The following CFAP20DC variants were observed in gnomAD, a reference collection of about 807,000 sequenced individuals.
CFAP20DC encodes protein CFAP20DC.
In CFAP20DC, 84 loss-of-function variants were observed where a neutral mutation model predicts 101.7. That is an observed-to-expected ratio of 0.83 (90% CI 0.69 to 0.99). The LOEUF (loss-of-function observed/expected upper bound fraction) is 0.99. CFAP20DC is among the 50% of genes least tolerant of loss of function. The pLI is 0.00. For synonymous variants in CFAP20DC, 359 were observed against 351.2 expected, an observed-to-expected ratio of 1.02 and a Z score of -0.25; for missense variants, 1,007 against 970.3, an observed-to-expected ratio of 1.04 and a Z score of -0.50.
At chr3:58,748,797 T>C (rs1190271992) in intron 16 of CFAP20DC, among the ~76,000 whole-genome samples, 1 of 152,156 alleles carries the variant, frequency 6.6e-6, no homozygotes, top group African/African-American at 2.4e-5. Flanking sequence ...AAATAGGGAT[T>C]CTGTGGTCAC....
At chr3:58,872,036 A>T (rs997157536) in intron 7 of CFAP20DC, among the ~76,000 whole-genome samples, 2 of 152,154 alleles carry the variant, frequency 1.3e-5, no homozygotes, top group African/African-American at 4.8e-5. Flanking sequence ...GGAACTCCTG[A>T]TTGGACTACA....
chr3:58,809,036 C>A (rs1253582683), intron 14 of CFAP20DC, among the ~76,000 whole-genome samples: 1 of 151,840 alleles, frequency 6.6e-6, no homozygotes, highest in African/African-American at 2.4e-5. Context: ...ATATATGCAC[C>A]CAATACAGGA....
At position 58,914,109 on chromosome 3, in the gene CFAP20DC, C is replaced by A. The variant is rs985853578; in HGVS notation, c.394-245G>T. On this transcript the variant is annotated intron_variant, in intron 5 of 16. Coordinates refer to ENST00000482387, the MANE Select transcript of CFAP20DC (RefSeq NM_001394063.1). The surrounding 1 kb of genome is among the most constrained non-coding windows in gnomAD (Gnocchi z 4.9). Reference sequence around the variant, plus strand: ...TGACTACAGAATTCCCATCATGAGACAAGACTATGACAACTTTGGGAAATA... The same window carrying A: ...TGACTACAGAATTCCCATCATGAGAAAAGACTATGACAACTTTGGGAAATA... Among the ~76,000 whole-genome samples, 2 of 152,118 alleles carry A rather than the reference C, an allele frequency of 1.3e-5. No individual in the cohort carries two copies. The highest frequency in any genetic ancestry group is 4.8e-5 in the African/African-American group (2 of 41,442).
At chr3:58,769,961 C>T (rs1287275716) in intron 15 of CFAP20DC, among the ~76,000 whole-genome samples, 1 of 152,206 alleles carries the variant, frequency 6.6e-6, no homozygotes, top group African/African-American at 2.4e-5. Flanking sequence ...CAGTTTCCCA[C>T]AAGTGCTCAG....
rs1165764320 is a variant in CFAP20DC at position 58,820,580 on chromosome 3, T to C, written c.2175+11106A>G. ...AGAAGAAAATACCTAGGAATCCAAC[T>C]TACAAGGGATGTGAAGGACCTCTTC... On this transcript the variant is annotated intron_variant, in intron 14 of 16. Coordinates refer to ENST00000482387, the MANE Select transcript of CFAP20DC (RefSeq NM_001394063.1). Among the ~76,000 whole-genome samples the C allele has an allele frequency of 6.9e-3, 1,039 of 151,622 alleles. 14 individuals are homozygous for C. The highest frequency in any genetic ancestry group is 0.024 in the African/African-American group (968 of 41,102).
chr3:58,842,421 C>A (rs1424450450), intron 13 of CFAP20DC, among the ~76,000 whole-genome samples: 3 of 152,238 alleles, frequency 2.0e-5, no homozygotes, highest in African/African-American at 4.8e-5. Context: ...CCTGGAAAAT[C>A]GGGTCACTCC....
rs1164224941 is a variant in CFAP20DC at position 58,882,370 on chromosome 3, A to G, written c.715+2175T>C. On this transcript the variant is annotated intron_variant, in intron 7 of 16. Transcript: ENST00000482387. The surrounding 1 kb of genome is among the most constrained non-coding windows in gnomAD (Gnocchi z 4.2). Reference sequence around the variant, plus strand: ...CATTATAAGTGTCCTTCAAATTTAAATTGAAAAAGACACTTAAAATATCGG... The same window carrying G: ...CATTATAAGTGTCCTTCAAATTTAAGTTGAAAAAGACACTTAAAATATCGG... Among the ~76,000 whole-genome samples, 1 of 152,210 alleles carries G rather than the reference A, an allele frequency of 6.6e-6. No individual in the cohort carries two copies. Among genetic ancestry groups the G allele is most frequent in the Non-Finnish European group, 1.5e-5 (1 of 68,018 alleles).
intron 4 of CFAP20DC, among the ~76,000 whole-genome samples, chr3:59,033,183 C>T (rs570458045): frequency 1.3e-5 from 2 of 152,226 alleles, no homozygotes; most frequent in South Asian, 4.1e-4. Flanking sequence ...CACACAAAAA[C>T]CCATCCGAAG....
At chr3:58,851,118 T>TA (rs1435194959) in intron 12 of CFAP20DC, among the ~76,000 whole-genome samples, 2 of 152,156 alleles carry the variant, frequency 1.3e-5, no homozygotes, top group African/African-American at 4.8e-5. Flanking sequence ...TCTCGGAATG[T>TA]AATGATAGAC....
intron 4 of CFAP20DC, among the ~76,000 whole-genome samples, chr3:59,024,504 T>C (rs978200463): frequency 2.0e-5 from 3 of 152,176 alleles, no homozygotes; most frequent in African/African-American, 7.2e-5. Context: ...AACAGACATG[T>C]GTAAGTGCTA....
At position 59,001,371 on chromosome 3, in the gene CFAP20DC, T is replaced by C. The variant is rs1321729188; in HGVS notation, c.278+38186A>G. On this transcript the variant is annotated intron_variant, in intron 4 of 16. Coordinates refer to ENST00000482387, the MANE Select transcript of CFAP20DC (RefSeq NM_001394063.1). This position sits in a 1 kb window ranked among gnomAD's most constrained non-coding sequence, Gnocchi z 4.5. ...ATCTTATGCTTAGGAGTTTGGCCTT[T>C]GAAACAGTCTCTCCCTCTCTCCCTC... 1.3e-5 allele frequency among the ~76,000 whole-genome samples: 2 copies of C among 152,168 alleles called. No homozygotes were observed. The highest frequency in any genetic ancestry group is 3.9e-4 in the East Asian group (2 of 5,172).
At chr3:58,780,211 G>T (rs1435994511) in intron 15 of CFAP20DC, among the ~76,000 whole-genome samples, 1 of 152,086 alleles carries the variant, frequency 6.6e-6, no homozygotes, top group African/African-American at 2.4e-5. Context: ...TACAAGCAAT[G>T]CTTAAGGAAG....
intron 13 of CFAP20DC, among the ~76,000 whole-genome samples, chr3:58,846,674 T>C (rs1261708491): frequency 2.2e-4 from 34 of 151,756 alleles, no homozygotes; most frequent in African/African-American, 6.5e-4. Flanking sequence ...CTTTAAAGTT[T>C]ATATGGAACC....
At chr3:58,794,142 T>C (rs1474674289) in intron 15 of CFAP20DC, 1 of 323,352 alleles carries the variant, frequency 3.1e-6, no homozygotes, top group Non-Finnish European at 6.3e-6. Flanking sequence ...TCACTACTGT[T>C]GTTAGCCTCA....
At chr3:58,936,036 C>T (rs1227142549) in intron 5 of CFAP20DC, among the ~76,000 whole-genome samples, 1 of 151,912 alleles carries the variant, frequency 6.6e-6, no homozygotes, top group African/African-American at 2.4e-5. Context: ...TGACAAAGGG[C>T]TAATATCCAG....
At chr3:58,749,321 A>G (rs1039314120) in intron 16 of CFAP20DC, among the ~76,000 whole-genome samples, 1 of 152,178 alleles carries the variant, frequency 6.6e-6, no homozygotes, top group Non-Finnish European at 1.5e-5. Flanking sequence ...GCATGAAAGA[A>G]TTCCTCTGTT....
chr3:58,752,967 C>G (rs1390872501), intron 16 of CFAP20DC, among the ~76,000 whole-genome samples: 1 of 151,988 alleles, frequency 6.6e-6, no homozygotes, highest in Non-Finnish European at 1.5e-5. Context: ...TGAGAGAGTC[C>G]CACTCTGAGG....
chr3:58,924,399 A>G (rs1304857400), intron 5 of CFAP20DC, among the ~76,000 whole-genome samples: 3 of 151,926 alleles, frequency 2.0e-5, no homozygotes, highest in Non-Finnish European at 2.9e-5. Flanking sequence ...GCTGCAAAAT[A>G]TATGATTTCA....
In CFAP20DC at chr3:58,892,183, C is replaced by T. The variant is rs1319523802; in HGVS notation, c.551-7474G>A. ...TTTCTAGGCTCTCTATTCTCTTCCACTGGTCTATGTGCCTGTTTTCGTATC... is the reference window on the plus strand; with the variant it reads ...TTTCTAGGCTCTCTATTCTCTTCCATTGGTCTATGTGCCTGTTTTCGTATC... On this transcript the variant is annotated intron_variant, in intron 6 of 16. Transcript: ENST00000482387. The surrounding 1 kb of genome is among the most constrained non-coding windows in gnomAD (Gnocchi z 4.0). Among the ~76,000 whole-genome samples, 2 of 152,190 alleles carry T rather than the reference C, an allele frequency of 1.3e-5. No individual in the cohort carries two copies. The highest frequency in any genetic ancestry group is 1.3e-4 in the Admixed American group (2 of 15,282).
Sources: gnomAD v4.1 joint callset for allele counts (sites outside exome capture counted in the v4.1 genomes callset) on GRCh38, gnomAD v4.1.1 for gene constraint, Gnocchi (gnomAD v3.1) non-coding constraint, MANE v1.5 for transcripts, NCBI Gene and HGNC (gene_info 2026-07-23, HGNC 2026-07-21) for gene names.